ARHGAP42: variants seen among roughly 807,000 people sequenced by gnomAD.
ARHGAP42 encodes the protein Rho GTPase activating protein 42, also known as rho GTPase-activating protein 42.
A neutral mutation model predicts 125.0 loss-of-function variants in ARHGAP42; 63 were observed. That is an observed-to-expected ratio of 0.50 (90% confidence interval 0.41 to 0.62). The LOEUF is 0.62. Among genes scored for constraint, ARHGAP42 ranks in the 20% least tolerant of loss-of-function variants. The pLI, the probability that ARHGAP42 is intolerant of heterozygous loss-of-function variation, is 0.00. For synonymous variants in ARHGAP42, 339 were observed against 351.0 expected, an observed-to-expected ratio of 0.97 and a Z score of 0.38; for missense variants, 766 against 1,024.2, an observed-to-expected ratio of 0.75 and a Z score of 3.44.
At chr11:100,762,111 C>G (rs188169279) in intron 1 of ARHGAP42, among the ~76,000 whole-genome samples, 54 of 152,266 alleles carry the variant, frequency 3.5e-4, no homozygotes, top group African/African-American at 1.3e-3. Flanking sequence ...CATAAGACAT[C>G]GAAAACAGAT....
rs1430970102 is a variant in ARHGAP42 at position 100,962,400 on chromosome 11, C to G, written c.1386-9C>G. 3.2e-6 allele frequency: 5 copies of G among 1,549,216 alleles called. No homozygotes were observed. The highest frequency in any genetic ancestry group is 2.4e-5 in the South Asian group (2 of 83,934). ...CTATTCTAACATGTGTTTCCTTTCTCTGTTGTAGGTGCCTTGCAGAACCAC... is the reference window on the plus strand; with the variant it reads ...CTATTCTAACATGTGTTTCCTTTCTGTGTTGTAGGTGCCTTGCAGAACCAC... On this transcript the variant is annotated splice_polypyrimidine_tract_variant and intron_variant, in intron 15 of 23. Transcript: ENST00000298815.
At chr11:100,756,222 CAAAAAAAAAAAAAAA>C (rs56164175) in intron 1 of ARHGAP42, among the ~76,000 whole-genome samples, 63 of 47,928 alleles carry the variant, frequency 1.3e-3, no homozygotes, top group African/African-American at 4.8e-3. Flanking sequence ...CTTGTCTCTA[CAAAAAAAAAAAAAAA>C]AAAAAAAAAA....
intron 3 of ARHGAP42, among the ~76,000 whole-genome samples, chr11:100,813,150 G>GGTAGGACAA (rs1864186228): frequency 6.6e-6 from 1 of 151,864 alleles, no homozygotes; most frequent in Admixed American, 6.7e-5. Context: ...AGGCGGCAAT[G>GGTAGGACAA]ATGTGTCATT....
chr11:100,860,750 A>G (rs1172729869), intron 4 of ARHGAP42, among the ~76,000 whole-genome samples: 1 of 152,136 alleles, frequency 6.6e-6, no homozygotes, highest in African/African-American at 2.4e-5. Flanking sequence ...TTAGGATTGA[A>G]TAGCCTTTAC....
chr11:100,831,556 C>G (rs1722083639), intron 3 of ARHGAP42, among the ~76,000 whole-genome samples: 1 of 152,056 alleles, frequency 6.6e-6, no homozygotes, highest in Admixed American at 6.6e-5. Flanking sequence ...GCACAGATGG[C>G]CTTTGTATAG....
At chr11:100,689,963 G>A (rs1167602264) in intron 1 of ARHGAP42, among the ~76,000 whole-genome samples, 1 of 152,118 alleles carries the variant, frequency 6.6e-6, no homozygotes, top group African/African-American at 2.4e-5. Flanking sequence ...TAGGAGGAGT[G>A]TGTCAGAAAG....
At chr11:100,835,488 T>C (rs955543391) in intron 3 of ARHGAP42, among the ~76,000 whole-genome samples, 3 of 152,174 alleles carry the variant, frequency 2.0e-5, no homozygotes, top group East Asian at 1.9e-4. Context: ...TTGTAACTTT[T>C]CTAAACATCA....
chr11:100,906,628 A>G (rs1866745835), intron 4 of ARHGAP42, among the ~76,000 whole-genome samples: 3 of 151,392 alleles, frequency 2.0e-5, no homozygotes, highest in African/African-American at 7.3e-5. Flanking sequence ...TTTTTTTGGC[A>G]ATTCTCTTGA....
intron 1 of ARHGAP42, among the ~76,000 whole-genome samples, chr11:100,728,334 C>T (rs1049629222): frequency 5.3e-5 from 8 of 152,108 alleles, no homozygotes; most frequent in African/African-American, 1.7e-4. Context: ...CACCTATAAG[C>T]TGAGTCTTAG....
At chr11:100,878,006 G>GA (rs35482152) in intron 4 of ARHGAP42, among the ~76,000 whole-genome samples, 2,897 of 64,354 alleles carry the variant, frequency 0.045, 107 homozygotes, top group African/African-American at 0.11. Context: ...CTCTGTCCCA[G>GA]AAAAAAAAAA....
intron 1 of ARHGAP42, among the ~76,000 whole-genome samples, chr11:100,694,826 C>T (rs539046686): frequency 4.6e-5 from 7 of 152,214 alleles, no homozygotes; most frequent in South Asian, 2.1e-4. Flanking sequence ...GTCAGGAATT[C>T]GAGACCAGCC....
intron 12 of ARHGAP42, 70 bp downstream of exon 12, chr11:100,950,026 T>A: frequency 1.0e-6 from 1 of 959,994 alleles, no homozygotes; most frequent in East Asian, 2.8e-5. Flanking sequence ...ATTAGGTGAT[T>A]GTAAGTATTC....
chr11:100,792,170 T>G (rs1442017408), intron 2 of ARHGAP42, among the ~76,000 whole-genome samples: 1 of 152,220 alleles, frequency 6.6e-6, no homozygotes, highest in African/African-American at 2.4e-5. Context: ...CCTGCCAATC[T>G]AATATTGTTA....
At chr11:100,687,876 T>A in intron 1 of ARHGAP42, 44 bp downstream of exon 1, 1 of 1,493,778 alleles carries the variant, frequency 6.7e-7, no homozygotes, top group Non-Finnish European at 9.0e-7. Context: ...ATCTGGAGAG[T>A]CCCCGCGGGG....
At chr11:100,962,067 A>G (rs961661916) in intron 15 of ARHGAP42, among the ~76,000 whole-genome samples, 22 of 152,030 alleles carry the variant, frequency 1.4e-4, no homozygotes, top group African/African-American at 5.3e-4. Context: ...TTGGAATGGA[A>G]AGTTGTGTTG....
chr11:100,967,724 CT>C (rs543455445), intron 17 of ARHGAP42, among the ~76,000 whole-genome samples: 190 of 151,808 alleles, frequency 1.3e-3, no homozygotes, highest in Admixed American at 2.1e-3. Flanking sequence ...TGACCCTTTT[CT>C]TTTTTTTGAG....
chr11:100,754,125 T>G (rs1283876672), intron 1 of ARHGAP42, among the ~76,000 whole-genome samples: 2 of 152,222 alleles, frequency 1.3e-5, no homozygotes, highest in African/African-American at 4.8e-5. Context: ...CATGATAAAA[T>G]GGGTTTAAAT....
chr11:100,740,198 T>G (rs1862154738), intron 1 of ARHGAP42, among the ~76,000 whole-genome samples: 1 of 152,164 alleles, frequency 6.6e-6, no homozygotes, highest in Non-Finnish European at 1.5e-5. Context: ...TTCTCTTGTT[T>G]CATGACTTTT....
Position 100,976,431 on chromosome 11 carries a change from G to A in ARHGAP42, c.2230G>A (p.Ala744Thr). ...SASSLRSISA[A>T]EGNKSYSGSI... The stretch of plus-strand genomic sequence containing the variant: ...TTCTTCTCTCAGATCCATCTCTGCA[G>A]CTGAAGGTAAGGCAGAGTGGAACTT... The change falls in exon 20 of 24, where the codon GCT becomes ACT. Residue 744 changes from alanine (A) to threonine (T), a missense_variant. By Grantham distance (58) the Ala-to-Thr change is moderately conservative. Around this residue, in one of 3 missense-constraint regions of ARHGAP42, gnomAD observed 308 missense variants for 369.7 expected, o/e 0.83. Transcript: ENST00000298815. 5 of 1,526,066 alleles carry A rather than the reference G, an allele frequency of 3.3e-6. No individual in the cohort carries two copies. Among genetic ancestry groups the A allele is most frequent in the Non-Finnish European group, 3.5e-6 (4 of 1,138,094 alleles). 94.5% of individuals were successfully genotyped at this position (1,526,066 alleles called of 1,614,324 possible).
Sources: gnomAD v4.1 joint callset for allele counts (sites outside exome capture counted in the v4.1 genomes callset) on GRCh38, gnomAD v4.1.1 for gene constraint, gnomAD v4.1.1 regional missense constraint, MANE v1.5 for transcripts, NCBI Gene and HGNC (gene_info 2026-07-23, HGNC 2026-07-21) for gene names.